KAT7: variants seen among roughly 807,000 people sequenced by gnomAD.
KAT7 encodes lysine acetyltransferase 7, also known as histone acetyltransferase KAT7.
A neutral mutation model predicts 82.1 loss-of-function variants in KAT7; 10 were observed. The observed-to-expected ratio is 0.12, with a 90% CI of 0.08 to 0.21. KAT7 has a LOEUF of 0.21. Among genes scored for constraint, KAT7 ranks in the 10% least tolerant of loss-of-function variants. KAT7 has a pLI of 1.00. For synonymous variants in KAT7, 250 were observed against 262.5 expected (o/e 0.95, Z 0.46); for missense variants, 378 against 760.9 (o/e 0.50, Z 5.92).
intron 4 of KAT7, 24 bp downstream of exon 4, chr17:49,798,582 C>T (rs2073985073): frequency 6.3e-7 from 1 of 1,577,098 alleles, no homozygotes; most frequent in African/African-American, 1.4e-5. Flanking sequence ...AGCTTCATGA[C>T]ATCCTTTGTT....
At chr17:49,789,383 A>T (rs920773102) in intron 1 of KAT7, 1 of 152,652 alleles carries the variant, frequency 6.6e-6, no homozygotes, top group African/African-American at 2.4e-5. Flanking sequence ...GGTGAGGGGC[A>T]CAACAAAGCA....
At chr17:49,821,300 G>T (rs1322600877) in intron 9 of KAT7, 37 bp from the exon 10 acceptor site, 1 of 1,506,728 alleles carries the variant, frequency 6.6e-7, no homozygotes, top group South Asian at 1.1e-5. Context: ...TTGTTGGGAG[G>T]CTTTGGTTCC....
chr17:49,803,236 G>T (rs1225083579), intron 4 of KAT7, among the ~76,000 whole-genome samples: 1 of 151,676 alleles, frequency 6.6e-6, no homozygotes, highest in Non-Finnish European at 1.5e-5. Flanking sequence ...AGCCTCCTGA[G>T]TAGCTGGGAT....
Position 49,828,791 on chromosome 17 carries a change from C to G in KAT7, c.*1289C>G, listed in dbSNP as rs1044722640. 6.5e-6 allele frequency: 1 copy of G among 153,368 alleles called. No individual in the cohort carries two copies. The highest frequency in any genetic ancestry group is 1.5e-5 in the Non-Finnish European group (1 of 68,044). 9.5% of individuals were successfully genotyped at this position (153,368 alleles called of 1,614,324 possible). A position where few individuals can be genotyped will look rare whatever the true frequency, so the allele number is the denominator to read the frequency against. ...GACATGTCACCCTTCCCAACTTGGTCTCCTCCAACATGCTGTCTTCATGTG... is the reference window on the plus strand; with the variant it reads ...GACATGTCACCCTTCCCAACTTGGTGTCCTCCAACATGCTGTCTTCATGTG... On this transcript the variant is annotated 3_prime_UTR_variant, in exon 15 of 15. Transcript: ENST00000259021.
At chr17:49,825,203 T>C (rs1037165590) in intron 12 of KAT7, among the ~76,000 whole-genome samples, 3 of 152,364 alleles carry the variant, frequency 2.0e-5, no homozygotes, top group Middle Eastern at 3.4e-3. Flanking sequence ...TTGTTTTATA[T>C]ATTTTGTATA....
intron 9 of KAT7, among the ~76,000 whole-genome samples, chr17:49,818,770 G>T (rs1256688909): frequency 1.3e-5 from 2 of 150,080 alleles, no homozygotes; most frequent in Non-Finnish European, 1.5e-5. Context: ...AGGGAGTCTT[G>T]CTCTGTTGAC....
Position 49,821,502 on chromosome 17 carries a change from C to T in KAT7, c.1245+76C>T. On this transcript the variant is annotated intron_variant, in intron 10 of 14. Coordinates refer to ENST00000259021, the MANE Select transcript of KAT7 (RefSeq NM_007067.5). ...TTTCAGAAGGCATATGTTTTTTCTC[C>T]ATCACACCTTGTGAAGGACATAGAA... 3 of 1,489,068 alleles carry T rather than the reference C, an allele frequency of 2.0e-6. No individual in the cohort carries two copies. The Admixed American group carries it at 5.1e-5, about 25-fold the overall frequency. 92.2% of individuals were successfully genotyped at this position (1,489,068 alleles called of 1,614,324 possible).
intron 11 of KAT7, 81 bp downstream of exon 11, chr17:49,821,871 C>A: frequency 7.8e-7 from 1 of 1,277,710 alleles, no homozygotes; most frequent in Non-Finnish European, 1.1e-6. Flanking sequence ...AAATCACTGA[C>A]AGGAAGAAGC....
chr17:49,804,106 G>A (rs905323638), intron 4 of KAT7, among the ~76,000 whole-genome samples: 1 of 152,144 alleles, frequency 6.6e-6, no homozygotes, highest in Admixed American at 6.5e-5. Context: ...TGGGCCGGGC[G>A]CGGTGGCTCA....
intron 2 of KAT7, among the ~76,000 whole-genome samples, chr17:49,793,915 A>C (rs183416476): frequency 2.6e-5 from 4 of 152,118 alleles, no homozygotes; most frequent in African/African-American, 9.6e-5. Flanking sequence ...TGAGAGAAAA[A>C]CCATCAGTTT....
chr17:49,804,720 C>T (rs2074069868), intron 4 of KAT7, among the ~76,000 whole-genome samples: 1 of 152,106 alleles, frequency 6.6e-6, no homozygotes, highest in Admixed American at 6.6e-5. Flanking sequence ...CTGCTTTGAG[C>T]CATGGTTGCA....
intron 7 of KAT7, among the ~76,000 whole-genome samples, chr17:49,814,346 C>T (rs2074207174): frequency 6.6e-6 from 1 of 152,170 alleles, no homozygotes; most frequent in Non-Finnish European, 1.5e-5. Flanking sequence ...TAGTAGTGGG[C>T]TATAGGGTAC....
At chr17:49,799,756 A>C (rs188159327) in intron 4 of KAT7, among the ~76,000 whole-genome samples, 2 of 151,656 alleles carry the variant, frequency 1.3e-5, no homozygotes, top group East Asian at 1.9e-4. Context: ...CTTAACTCCT[A>C]GGCTTAAGTG....
intron 12 of KAT7, 113 bp from the exon 13 acceptor site, chr17:49,825,887 C>T (rs778037050): frequency 4.5e-5 from 48 of 1,064,058 alleles, no homozygotes; most frequent in Non-Finnish European, 6.2e-5. Flanking sequence ...ATGACTAAAT[C>T]CTAATGGAGT....
At chr17:49,797,684 G>A (rs904340974) in intron 3 of KAT7, among the ~76,000 whole-genome samples, 4 of 152,202 alleles carry the variant, frequency 2.6e-5, no homozygotes, top group Non-Finnish European at 4.4e-5. Flanking sequence ...ATAAAAACCT[G>A]GATTAATAGT....
chr17:49,800,622 T>A (rs902447912), intron 4 of KAT7, among the ~76,000 whole-genome samples: 2 of 152,152 alleles, frequency 1.3e-5, no homozygotes, highest in South Asian at 4.1e-4. Flanking sequence ...CTATATTTGG[T>A]CATTCATGCA....
At chr17:49,815,742 AGAT>A in intron 7 of KAT7, 58 bp from the exon 8 acceptor site, 1 of 985,756 alleles carries the variant, frequency 1.0e-6, no homozygotes, top group South Asian at 1.3e-5. Context: ...GAAATGAAAT[AGAT>A]TAAAAAGTTC....
At chr17:49,803,096 G>A (rs569958695) in intron 4 of KAT7, among the ~76,000 whole-genome samples, 3 of 151,744 alleles carry the variant, frequency 2.0e-5, no homozygotes, top group Admixed American at 6.6e-5. Flanking sequence ...ATAATTTTGC[G>A]GACCTCTAAA....
At chr17:49,814,477 C>T (rs1479579852) in intron 7 of KAT7, among the ~76,000 whole-genome samples, 2 of 152,116 alleles carry the variant, frequency 1.3e-5, no homozygotes, top group African/African-American at 2.4e-5. Context: ...TTGTGACGTT[C>T]CTTTGATCTT....
Sources: allele counts gnomAD v4.1 joint callset (sites outside exome capture counted in the v4.1 genomes callset), GRCh38; gene constraint gnomAD v4.1.1; transcripts MANE v1.5; gene names NCBI Gene and HGNC (gene_info 2026-07-23, HGNC 2026-07-21).